The following GAB3 variants were observed in gnomAD, a reference collection of about 807,000 sequenced individuals.
GAB3 encodes GRB2 associated binding protein 3.
In GAB3, 12 loss-of-function variants were observed where a neutral mutation model predicts 40.4. The observed-to-expected ratio is 0.30, with a 90% CI of 0.19 to 0.48. The LOEUF (loss-of-function observed/expected upper bound fraction) is 0.48, where lower values mean the gene tolerates loss of function less well. GAB3 is among the 20% of genes least tolerant of loss of function. The pLI is 0.99. For missense variants in GAB3, 381 were observed against 461.9 expected, an observed-to-expected ratio of 0.82 and a Z score of 1.61; for synonymous variants, 154 against 176.7, an observed-to-expected ratio of 0.87 and a Z score of 1.02.
At chrX:154,743,087 G>C (rs909722409) in intron 1 of GAB3, among the ~76,000 whole-genome samples, 3 of 108,492 alleles carry the variant, frequency 2.8e-5, no homozygotes, top group Non-Finnish European at 5.7e-5. Context: ...TGGGTTCCCA[G>C]GATGTTAAGC....
At chrX:154,727,721 G>A (rs1317520243) in intron 1 of GAB3, among the ~76,000 whole-genome samples, 1 of 112,044 alleles carries the variant, frequency 8.9e-6, no homozygotes, top group Non-Finnish European at 1.9e-5. Flanking sequence ...CAGTCTCCAA[G>A]CTGGAACTTA....
intron 1 of GAB3, among the ~76,000 whole-genome samples, chrX:154,742,805 T>C (rs1227441717): frequency 8.2e-5 from 9 of 109,895 alleles, no homozygotes; most frequent in East Asian, 2.8e-4. Flanking sequence ...AGAAAGCAGA[T>C]CAGTTGCTGC....
rs138941436 is a variant in GAB3, at chrX:154,696,029, A to G, written c.1428-10T>C. 10,139 of 1,072,460 alleles carry G rather than the reference A, an allele frequency of 9.5e-3. 584 individuals are homozygous for G. In the African/African-American group the frequency reaches 0.17, roughly 18 times the overall value. 88.4% of individuals were successfully genotyped at this position (1,072,460 alleles called of 1,213,427 possible). On this transcript the variant is annotated splice_polypyrimidine_tract_variant and intron_variant, in intron 7 of 9. Transcript: ENST00000424127. ...AAAGCTGGTTCGACTGCTAAGAATAAAAATATAGATGAGGTCAAAGCAATG... is the reference window on the plus strand; with the variant it reads ...AAAGCTGGTTCGACTGCTAAGAATAGAAATATAGATGAGGTCAAAGCAATG...
At chrX:154,711,974 G>A (rs1481909639) in intron 4 of GAB3, among the ~76,000 whole-genome samples, 1 of 112,199 alleles carries the variant, frequency 8.9e-6, no homozygotes, top group East Asian at 2.8e-4. Flanking sequence ...AGGAACAGAA[G>A]AGTGCTGCTT....
At chrX:154,678,626 T>A (rs1380387739) in intron 9 of GAB3, among the ~76,000 whole-genome samples, 1 of 112,182 alleles carries the variant, frequency 8.9e-6, no homozygotes, top group Admixed American at 9.4e-5. Flanking sequence ...GTAGTTCCCA[T>A]AATCCCCATG....
intron 8 of GAB3, among the ~76,000 whole-genome samples, chrX:154,687,898 G>T (rs781961317): frequency 8.9e-6 from 1 of 111,850 alleles, no homozygotes; most frequent in Non-Finnish European, 1.9e-5. Context: ...TATTACAGAG[G>T]TGCAAAGAAA....
At chrX:154,711,405 AAG>A (rs2070942911) in intron 4 of GAB3, among the ~76,000 whole-genome samples, 1 of 111,837 alleles carries the variant, frequency 8.9e-6, no homozygotes, top group Non-Finnish European at 1.9e-5. Flanking sequence ...AGCAGTAAAG[AAG>A]AGGTTACTGA....
rs1409324380 is a variant in GAB3, at chrX:154,675,474, A to G, written c.*2704T>C. 2.7e-5 allele frequency: 3 copies of G among 111,532 alleles called. No homozygotes were observed. Among genetic ancestry groups the G allele is most frequent in the Non-Finnish European group, 3.8e-5 (2 of 53,063 alleles). The allele number at this position is 111,532 out of a possible 1,213,427, so 9.2% of individuals were successfully genotyped here. A position where few individuals can be genotyped will look rare whatever the true frequency, so the allele number is the denominator to read the frequency against. ...TGGGTAGGTCGCTTCGTGTCTTTAT[A>G]GCCAGGCTGTGTGCTGGACATCAAG... On this transcript the variant is annotated 3_prime_UTR_variant, in exon 10 of 10. Coordinates refer to ENST00000424127, the MANE Select transcript of GAB3 (RefSeq NM_001081573.3).
chrX:154,689,770 T>C (rs1488661320), intron 8 of GAB3, among the ~76,000 whole-genome samples: 4 of 107,739 alleles, frequency 3.7e-5, no homozygotes, highest in Admixed American at 1.0e-4. Flanking sequence ...TAAAAGAGGA[T>C]ACAAACAAAT....
At chrX:154,709,445 C>T (rs1410471452) in intron 4 of GAB3, among the ~76,000 whole-genome samples, 20 of 108,670 alleles carry the variant, frequency 1.8e-4, no homozygotes, top group Non-Finnish European at 2.5e-4. Context: ...CTCAGCCTCC[C>T]GAGTAGCTGG....
chrX:154,750,295 C>T (rs146014502), intron 1 of GAB3, among the ~76,000 whole-genome samples: 40 of 112,276 alleles, frequency 3.6e-4, no homozygotes, highest in African/African-American at 1.2e-3. Context: ...CATCTTAAAA[C>T]GGTAATGGAA....
intron 1 of GAB3, among the ~76,000 whole-genome samples, chrX:154,735,792 G>A (rs1309460852): frequency 8.9e-6 from 1 of 111,889 alleles, no homozygotes; most frequent in Admixed American, 9.4e-5. Context: ...TTACTCAGAC[G>A]AAAAGCCAAA....
chrX:154,750,742 G>A (rs902309653), intron 1 of GAB3, among the ~76,000 whole-genome samples: 1 of 112,449 alleles, frequency 8.9e-6, no homozygotes, highest in Non-Finnish European at 1.9e-5. Context: ...CCCGCGGGCA[G>A]GCGCCACCTG....
chrX:154,741,430 C>T (rs1430163159), intron 1 of GAB3, among the ~76,000 whole-genome samples: 1 of 111,031 alleles, frequency 9.0e-6, no homozygotes, highest in East Asian at 2.8e-4. Flanking sequence ...GTAATCCCAG[C>T]ACTTTGGGAG....
intron 1 of GAB3, among the ~76,000 whole-genome samples, chrX:154,731,212 T>C (rs1445640631): frequency 8.9e-6 from 1 of 111,995 alleles, no homozygotes; most frequent in East Asian, 2.8e-4. Flanking sequence ...ATATGTTAGG[T>C]CAGGATCAGG....
At chrX:154,733,335 G>T (rs903202443) in intron 1 of GAB3, among the ~76,000 whole-genome samples, 1 of 112,148 alleles carries the variant, frequency 8.9e-6, no homozygotes, top group African/African-American at 3.2e-5. Context: ...CATGTATGTT[G>T]CCCATTTTCC....
intron 1 of GAB3, 127 bp from the exon 2 acceptor site, chrX:154,716,456 G>C (rs782376922): frequency 1.7e-6 from 1 of 601,043 alleles, no homozygotes; most frequent in South Asian, 3.0e-5. Context: ...ATGATGAAAC[G>C]CTTTGTATTA....
At chrX:154,743,141 ATG>A (rs1383842685) in intron 1 of GAB3, among the ~76,000 whole-genome samples, 1 of 109,783 alleles carries the variant, frequency 9.1e-6, no homozygotes, top group Non-Finnish European at 1.9e-5. Flanking sequence ...AAATGTATTA[ATG>A]TGTGTGTGTG....
intron 1 of GAB3, among the ~76,000 whole-genome samples, chrX:154,729,195 T>C (rs1207015098): frequency 8.9e-6 from 1 of 112,156 alleles, no homozygotes; most frequent in African/African-American, 3.2e-5. Context: ...CCAAAGGAAA[T>C]TTTAAAAGTG....
Sources: allele counts gnomAD v4.1 joint callset (sites outside exome capture counted in the v4.1 genomes callset), GRCh38; gene constraint gnomAD v4.1.1; transcripts MANE v1.5; gene names NCBI Gene and HGNC (gene_info 2026-07-23, HGNC 2026-07-21).